Variants in ZBTB20 observed in about 807,000 individuals in gnomAD.
ZBTB20 encodes the protein zinc finger and BTB domain-containing protein 20.
ZBTB20 carries 9 observed loss-of-function variants against 56.9 expected under a neutral mutation model. The ratio of observed to expected loss-of-function variants is 0.16; its 90% CI spans 0.10 to 0.28. The LOEUF is 0.28. ZBTB20 is among the 10% of genes least tolerant of loss of function. The pLI is 1.00. For missense variants in ZBTB20, 655 were observed against 1,003.0 expected (o/e 0.65, Z 4.69); for synonymous variants, 417 against 420.7 (o/e 0.99, Z 0.11).
At chr3:114,844,544 A>AAAAAAC (rs1560313351) in intron 4 of ZBTB20, among the ~76,000 whole-genome samples, 1 of 140,602 alleles carries the variant, frequency 7.1e-6, no homozygotes, top group Non-Finnish European at 1.5e-5. Flanking sequence ...AAAAAAAAAA[A>AAAAAAC]AAAAAAAACT....
intron 6 of ZBTB20, among the ~76,000 whole-genome samples, chr3:114,521,673 C>A (rs148452789): frequency 8.3e-4 from 126 of 152,230 alleles, no homozygotes; most frequent in African/African-American, 2.7e-3. Flanking sequence ...GTGTCTAGAA[C>A]ACCCATATTC....
chr3:114,645,024 CATTT>C (rs1228527675), intron 6 of ZBTB20, among the ~76,000 whole-genome samples: 1 of 151,788 alleles, frequency 6.6e-6, no homozygotes, highest in African/African-American at 2.4e-5. Flanking sequence ...AAATCATATA[CATTT>C]ATTATTAATA....
intron 3 of ZBTB20, among the ~76,000 whole-genome samples, chr3:114,902,741 C>T (rs190123793): frequency 1.9e-3 from 287 of 152,178 alleles, no homozygotes; most frequent in Non-Finnish European, 3.2e-3. Context: ...TTATCTGAGG[C>T]CACATAAAAC....
chr3:115,070,365 C>T (rs2082365673), intron 2 of ZBTB20, among the ~76,000 whole-genome samples: 2 of 152,152 alleles, frequency 1.3e-5, no homozygotes, highest in African/African-American at 4.8e-5. Context: ...AATTAAATTA[C>T]AATTGCACAT....
In ZBTB20 at chr3:114,337,591, A is replaced by G. The variant is rs2079502892; in HGVS notation, c.*1414T>C. 1 of 152,238 alleles carries G rather than the reference A, an allele frequency of 6.6e-6. No homozygotes were observed. The highest frequency in any genetic ancestry group is 2.4e-5 in the African/African-American group (1 of 41,460). 9.4% of individuals were successfully genotyped at this position (152,238 alleles called of 1,614,324 possible). A position where few individuals can be genotyped will look rare whatever the true frequency, so the allele number is the denominator to read the frequency against. On this transcript the variant is annotated 3_prime_UTR_variant, in exon 12 of 12. Coordinates refer to ENST00000675478, the MANE Select transcript of ZBTB20 (RefSeq NM_001348800.3). ...AAGCTTGCTAAAGTCAAAGAACTAC[A>G]TATCAAAATACAAAGCAGCAATTCA...
intron 6 of ZBTB20, among the ~76,000 whole-genome samples, chr3:114,659,905 A>C (rs1356754567): frequency 6.6e-6 from 1 of 152,124 alleles, no homozygotes; most frequent in Admixed American, 6.5e-5. Context: ...ACACACCCTG[A>C]ATCTCTTCTT....
intron 7 of ZBTB20, among the ~76,000 whole-genome samples, chr3:114,428,471 G>A (rs989316605): frequency 6.6e-6 from 1 of 152,232 alleles, no homozygotes; most frequent in African/African-American, 2.4e-5. Context: ...GGGCCCAGAA[G>A]TGGGGAACTG....
At chr3:114,551,099 T>G (rs1217915884) in intron 6 of ZBTB20, among the ~76,000 whole-genome samples, 1 of 152,094 alleles carries the variant, frequency 6.6e-6, no homozygotes, top group Non-Finnish European at 1.5e-5. Context: ...ACAAGGGGGG[T>G]TTGTAGACTC....
chr3:114,911,217 G>A (rs1334719614), intron 3 of ZBTB20, among the ~76,000 whole-genome samples: 1 of 151,934 alleles, frequency 6.6e-6, no homozygotes, highest in African/African-American at 2.4e-5. Context: ...TTTTGAGAGG[G>A]TAGAATCAAG....
chr3:115,031,041 G>A (rs1348610960), intron 2 of ZBTB20, among the ~76,000 whole-genome samples: 1 of 151,300 alleles, frequency 6.6e-6, no homozygotes, highest in Non-Finnish European at 1.5e-5. Flanking sequence ...AATTTTCTAA[G>A]AAAATCAGGA....
chr3:115,017,963 C>T (rs1267497176), intron 2 of ZBTB20, among the ~76,000 whole-genome samples: 1 of 151,504 alleles, frequency 6.6e-6, no homozygotes, highest in African/African-American at 2.4e-5. Flanking sequence ...AAGAAACACC[C>T]AGTTTCTTGA....
chr3:115,023,603 C>G (rs1233769812), intron 2 of ZBTB20, among the ~76,000 whole-genome samples: 1 of 150,898 alleles, frequency 6.6e-6, no homozygotes, highest in Non-Finnish European at 1.5e-5. Context: ...CTTGAATAAA[C>G]TCTTACACTA....
At chr3:114,606,893 C>T (rs1246961441) in intron 6 of ZBTB20, among the ~76,000 whole-genome samples, 2 of 151,874 alleles carry the variant, frequency 1.3e-5, no homozygotes, top group South Asian at 2.1e-4. Flanking sequence ...GTCAGGAGTT[C>T]GAGGCCAGCC....
Position 114,557,836 on chromosome 3 carries a change from T to A in ZBTB20, c.-294-57445A>T, listed in dbSNP as rs191028266. Among the ~76,000 whole-genome samples, 160 of 152,182 alleles carry A rather than the reference T, an allele frequency of 1.1e-3. 1 individual carries two copies. The highest frequency in any genetic ancestry group is 3.8e-3 in the African/African-American group (157 of 41,560). ...TTTATTAGTGAAAATAAGTGGTATA[T>A]AAGCTAAAATAAATTATTATTTTTA... On this transcript the variant is annotated intron_variant, in intron 6 of 11. Transcript: ENST00000675478.
intron 2 of ZBTB20, among the ~76,000 whole-genome samples, chr3:115,015,559 A>G (rs1267648551): frequency 1.3e-5 from 2 of 151,766 alleles, no homozygotes; most frequent in African/African-American, 4.8e-5. Context: ...TATAAGTGAG[A>G]ATATGTGTTG....
intron 6 of ZBTB20, among the ~76,000 whole-genome samples, chr3:114,681,460 C>T (rs1467051013): frequency 6.6e-6 from 1 of 152,202 alleles, no homozygotes; most frequent in African/African-American, 2.4e-5. Flanking sequence ...CACGCCCAGC[C>T]TGTAAATCTT....
At chr3:114,583,441 AC>A (rs1335252658) in intron 6 of ZBTB20, among the ~76,000 whole-genome samples, 2 of 152,210 alleles carry the variant, frequency 1.3e-5, no homozygotes, top group Non-Finnish European at 2.9e-5. Flanking sequence ...TTTTGTTGAA[AC>A]CAACAATTAC....
At chr3:115,094,437 AT>A (rs2083306420) in intron 1 of ZBTB20, among the ~76,000 whole-genome samples, 1 of 152,046 alleles carries the variant, frequency 6.6e-6, no homozygotes, top group Non-Finnish European at 1.5e-5. Context: ...TAAATAAGAT[AT>A]TTTTGTTTAT....
intron 11 of ZBTB20, among the ~76,000 whole-genome samples, chr3:114,349,872 C>G (rs2080503211): frequency 6.6e-6 from 1 of 152,126 alleles, no homozygotes. Flanking sequence ...GTAATTTTTC[C>G]AAGGCGACAA....
Sources: allele counts gnomAD v4.1 joint callset (sites outside exome capture counted in the v4.1 genomes callset), GRCh38; gene constraint gnomAD v4.1.1; transcripts MANE v1.5; gene names NCBI Gene and HGNC (gene_info 2026-07-23, HGNC 2026-07-21).